Variants in TAFA5 observed in about 807,000 individuals in gnomAD.
TAFA5 encodes TAFA chemokine like family member 5.
In TAFA5, 6 loss-of-function variants were observed where a neutral mutation model predicts 15.3. That is an observed-to-expected ratio of 0.39 (90% CI 0.21 to 0.77). TAFA5 has a LOEUF of 0.77. Among genes scored for constraint, TAFA5 ranks in the 30% least tolerant of loss-of-function variants. The pLI is 0.41. For synonymous variants in TAFA5, 103 were observed against 80.7 expected, an observed-to-expected ratio of 1.28 and a Z score of -1.48; for missense variants, 161 against 193.1, an observed-to-expected ratio of 0.83 and a Z score of 0.98.
chr22:48,629,981 T>C (rs919667857), intron 1 of TAFA5, among the ~76,000 whole-genome samples: 17 of 152,164 alleles, frequency 1.1e-4, no homozygotes, highest in African/African-American at 3.9e-4. Context: ...GAGCCCCAGA[T>C]GTCCAGGGAT....
chr22:48,599,079 C>T (rs184508011), intron 1 of TAFA5, among the ~76,000 whole-genome samples: 3 of 152,344 alleles, frequency 2.0e-5, no homozygotes, highest in South Asian at 2.1e-4. Context: ...CACCCTCCTG[C>T]GTTCACTGAG....
At chr22:48,537,655 G>A (rs1922215974) in intron 1 of TAFA5, among the ~76,000 whole-genome samples, 1 of 152,204 alleles carries the variant, frequency 6.6e-6, no homozygotes, top group Non-Finnish European at 1.5e-5. Flanking sequence ...TGTTTCAGGG[G>A]GAAGCCCAGC....
At chr22:48,672,922 G>A (rs945591824) in intron 2 of TAFA5, among the ~76,000 whole-genome samples, 7 of 152,190 alleles carry the variant, frequency 4.6e-5, no homozygotes, top group Admixed American at 1.3e-4. Flanking sequence ...TAAAGACCAC[G>A]GTCCTAATGG....
At chr22:48,532,754 G>A (rs533397788) in intron 1 of TAFA5, among the ~76,000 whole-genome samples, 3 of 152,284 alleles carry the variant, frequency 2.0e-5, no homozygotes, top group South Asian at 2.1e-4. Context: ...GGAAGGACCC[G>A]GGCCACTTCT....
chr22:48,577,705 T>TC (rs952445747), intron 1 of TAFA5, among the ~76,000 whole-genome samples: 1 of 152,182 alleles, frequency 6.6e-6, no homozygotes, highest in African/African-American at 2.4e-5. Context: ...CCCTGTGACC[T>TC]CCACGGGCCT....
chr22:48,532,226 C>T (rs1465460996), intron 1 of TAFA5, among the ~76,000 whole-genome samples: 14 of 152,172 alleles, frequency 9.2e-5, no homozygotes, highest in African/African-American at 2.4e-5. Flanking sequence ...CAAATGTGGC[C>T]CTCGCCTCCA....
At chr22:48,747,961 G>C (rs1245950800) in intron 3 of TAFA5, among the ~76,000 whole-genome samples, 1 of 151,584 alleles carries the variant, frequency 6.6e-6, no homozygotes, top group South Asian at 2.1e-4. Flanking sequence ...TGACCTTAAC[G>C]TCAGATGGAA....
intron 1 of TAFA5, among the ~76,000 whole-genome samples, chr22:48,596,261 G>C (rs1865618816): frequency 6.6e-6 from 1 of 152,212 alleles, no homozygotes; most frequent in South Asian, 2.1e-4. Flanking sequence ...TGGGGCCCAG[G>C]ACTGAGCGTT....
chr22:48,585,657 G>T (rs1407860489), intron 1 of TAFA5, among the ~76,000 whole-genome samples: 2 of 142,520 alleles, frequency 1.4e-5, no homozygotes, highest in Non-Finnish European at 3.1e-5. Context: ...TATGCATTAT[G>T]CACACACACC....
chr22:48,633,544 C>T (rs1327436408), intron 1 of TAFA5, among the ~76,000 whole-genome samples: 3 of 150,340 alleles, frequency 2.0e-5, no homozygotes, highest in Non-Finnish European at 4.4e-5. Context: ...CTCTCCCTCT[C>T]TCTCTCTCTC....
chr22:48,514,136 C>T (rs998338053), intron 1 of TAFA5, among the ~76,000 whole-genome samples: 7 of 152,176 alleles, frequency 4.6e-5, no homozygotes, highest in Non-Finnish European at 7.3e-5. Context: ...GGCTGCACCC[C>T]AGGCCCGGCC....
At chr22:48,722,110 G>C (rs186807530) in intron 3 of TAFA5, among the ~76,000 whole-genome samples, 1 of 152,106 alleles carries the variant, frequency 6.6e-6, no homozygotes, top group East Asian at 1.9e-4. Flanking sequence ...TTGAGGAATC[G>C]CCACACTGTC....
At chr22:48,604,284 G>A (rs1487553567) in intron 1 of TAFA5, among the ~76,000 whole-genome samples, 2 of 152,228 alleles carry the variant, frequency 1.3e-5, no homozygotes, top group Non-Finnish European at 2.9e-5. Context: ...GACCCTGTAT[G>A]TGTGCCTTGA....
At chr22:48,719,373 G>A (rs750284785) in intron 3 of TAFA5, among the ~76,000 whole-genome samples, 19 of 152,362 alleles carry the variant, frequency 1.2e-4, no homozygotes, top group Non-Finnish European at 2.2e-4. Context: ...CGTCTGGAGT[G>A]TGATCAGATG....
chr22:48,711,810 C>T (rs565606953), intron 3 of TAFA5, among the ~76,000 whole-genome samples: 1 of 152,316 alleles, frequency 6.6e-6, no homozygotes, highest in African/African-American at 2.4e-5. Context: ...TCCCAGCCTG[C>T]CCAGCTGCGC....
intron 2 of TAFA5, among the ~76,000 whole-genome samples, chr22:48,656,701 T>C (rs1202862181): frequency 2.2e-5 from 3 of 138,010 alleles, no homozygotes; most frequent in Non-Finnish European, 4.6e-5. Context: ...AAAGTTCTTT[T>C]TTTTTTTTTT....
chr22:48,654,408 G>C (rs974042871), intron 2 of TAFA5, among the ~76,000 whole-genome samples: 2 of 152,202 alleles, frequency 1.3e-5, no homozygotes, highest in African/African-American at 4.8e-5. Flanking sequence ...GAAGGAGCAC[G>C]CCTGCTCCAC....
intron 2 of TAFA5, among the ~76,000 whole-genome samples, chr22:48,703,116 A>T (rs1049434073): frequency 1.3e-5 from 2 of 151,872 alleles, no homozygotes; most frequent in South Asian, 4.2e-4. Flanking sequence ...GCACCTATAG[A>T]TACGTGTTTG....
At chr22:48,518,290 T>A (rs1329330801) in intron 1 of TAFA5, among the ~76,000 whole-genome samples, 1 of 152,090 alleles carries the variant, frequency 6.6e-6, no homozygotes, top group Non-Finnish European at 1.5e-5. Flanking sequence ...GGCTCAGCCC[T>A]CCCCTCTGTG....
Sources: gnomAD v4.1 joint callset for allele counts (sites outside exome capture counted in the v4.1 genomes callset) on GRCh38, gnomAD v4.1.1 for gene constraint, MANE v1.5 for transcripts, NCBI Gene and HGNC (gene_info 2026-07-23, HGNC 2026-07-21) for gene names.